Variants in MAD1L1 observed in about 807,000 individuals in gnomAD.
The protein encoded by MAD1L1 is mitotic spindle assembly checkpoint protein MAD1.
MAD1L1 carries 95 observed loss-of-function variants against 96.9 expected under a neutral mutation model. The ratio of observed to expected loss-of-function variants is 0.98; its 90% CI spans 0.83 to 1.16. MAD1L1 has a LOEUF of 1.16. Among genes scored for constraint, MAD1L1 ranks in the 50% most tolerant of loss-of-function variants. MAD1L1 has a pLI of 0.00. For missense variants in MAD1L1, 1,007 were observed against 954.4 expected (o/e 1.06, Z -0.73); for synonymous variants, 473 against 396.6 (o/e 1.19, Z -2.29).
chr7:1,967,420 G>A (rs1780212456), intron 15 of MAD1L1, among the ~76,000 whole-genome samples: 2 of 152,366 alleles, frequency 1.3e-5, no homozygotes, highest in South Asian at 4.1e-4. Context: ...TGATGGTTTA[G>A]AAACTGACCC....
chr7:2,223,903 G>C (rs1403570482), intron 4 of MAD1L1, among the ~76,000 whole-genome samples: 2 of 152,186 alleles, frequency 1.3e-5, no homozygotes, highest in African/African-American at 4.8e-5. Flanking sequence ...TACTGGTTCT[G>C]ACTGTTCCTG....
intron 11 of MAD1L1, among the ~76,000 whole-genome samples, chr7:2,115,789 C>T (rs187297078): frequency 5.9e-5 from 9 of 152,366 alleles, no homozygotes; most frequent in East Asian, 1.9e-4. Context: ...CTGCATGGAG[C>T]GCTCGGAGCA....
At chr7:2,161,591 C>G (rs1455334325) in intron 10 of MAD1L1, among the ~76,000 whole-genome samples, 1 of 151,904 alleles carries the variant, frequency 6.6e-6, no homozygotes, top group Non-Finnish European at 1.5e-5. Context: ...AGGAGCCCCT[C>G]TGCCCGACCG....
In MAD1L1 at chr7:2,129,561, C is replaced by T. The variant is rs186995549; in HGVS notation, c.1073+19591G>A. 5.3e-5 allele frequency among the ~76,000 whole-genome samples: 8 copies of T among 152,292 alleles called. No homozygotes were observed. In the East Asian group the frequency reaches 1.5e-3, roughly 29 times the overall value. On this transcript the variant is annotated intron_variant, in intron 11 of 18. Coordinates refer to ENST00000265854, the MANE Select transcript of MAD1L1 (RefSeq NM_001013836.2). ...ACACACGAGGCAGCAGGACAGGAAC[C>T]CCAGGTGCCTCCCGTCATGAGGAGA...
intron 18 of MAD1L1, among the ~76,000 whole-genome samples, chr7:1,871,992 C>A (rs1785137408): frequency 6.6e-6 from 1 of 152,150 alleles, no homozygotes; most frequent in Admixed American, 6.5e-5. Flanking sequence ...AGGATGAAGA[C>A]CTCTCATCTC....
At chr7:1,941,055 G>A (rs750882410) in intron 16 of MAD1L1, among the ~76,000 whole-genome samples, 2 of 87,204 alleles carry the variant, frequency 2.3e-5, no homozygotes, top group Non-Finnish European at 5.3e-5. Context: ...GGACCTCCAG[G>A]TGGGAGGAGG....
chr7:2,046,841 TAAG>T (rs1250687101), intron 12 of MAD1L1, among the ~76,000 whole-genome samples: 1 of 152,150 alleles, frequency 6.6e-6, no homozygotes, highest in African/African-American at 2.4e-5. Flanking sequence ...GCCTCAGGTC[TAAG>T]GAGGAGGAGC....
chr7:1,956,120 G>C (rs773197287), intron 16 of MAD1L1, among the ~76,000 whole-genome samples: 1 of 152,118 alleles, frequency 6.6e-6, no homozygotes, highest in South Asian at 2.1e-4. Flanking sequence ...CTTGGAAATG[G>C]ACCCCTATTT....
In MAD1L1 at chr7:2,049,841, C is replaced by A. The variant is rs183813094; in HGVS notation, c.1218+19353G>T. Among the ~76,000 whole-genome samples the A allele has an allele frequency of 2.7e-3, 404 of 151,230 alleles. 2 individuals are homozygous for A. The highest frequency in any genetic ancestry group is 3.0e-3 in the Non-Finnish European group (200 of 67,762). ...GCTGGCACCATCTGCGGGCACCAGA[C>A]CACACGTTCACAGGGCACCTCACCC... On this transcript the variant is annotated intron_variant, in intron 12 of 18. Transcript: ENST00000265854.
At chr7:1,980,136 C>T (rs915204752) in intron 15 of MAD1L1, among the ~76,000 whole-genome samples, 2 of 152,102 alleles carry the variant, frequency 1.3e-5, no homozygotes, top group African/African-American at 2.4e-5. Context: ...TGCCGGTGGA[C>T]GTGTCTCCCG....
rs781671971 is a variant in MAD1L1 at position 2,219,428 on chromosome 7, G to A, written c.500C>T (p.Ser167Leu). ...GTCCATCACGCTCCACTGCAGTTCC[G>A]AGATCCTCCCCTTCAGTGCGTTGAT... ...ETINALKGRI[S>L]ELQWSVMDQE... Residue 167 changes from serine to leucine, a missense_variant, in exon 6 of 19, where the codon TCG becomes TTG. Transcript: ENST00000265854. 18 of 1,613,524 alleles carry A rather than the reference G, an allele frequency of 1.1e-5. No individual in the cohort carries two copies. The highest frequency in any genetic ancestry group is 4.5e-5 in the East Asian group (2 of 44,878).
intron 12 of MAD1L1, among the ~76,000 whole-genome samples, chr7:2,043,024 C>G (rs947113159): frequency 1.3e-5 from 2 of 152,158 alleles, no homozygotes; most frequent in African/African-American, 2.4e-5. Context: ...CTGGAAAACA[C>G]AGCCCTGCAC....
intron 18 of MAD1L1, among the ~76,000 whole-genome samples, chr7:1,856,248 G>A (rs1323430614): frequency 6.6e-6 from 1 of 152,234 alleles, no homozygotes; most frequent in African/African-American, 2.4e-5. Flanking sequence ...TGCCTGTGGG[G>A]CCAGCAGGTC....
At chr7:2,072,620 A>G (rs1785187207) in intron 11 of MAD1L1, among the ~76,000 whole-genome samples, 1 of 152,246 alleles carries the variant, frequency 6.6e-6, no homozygotes, top group African/African-American at 2.4e-5. Context: ...CAAGTGCTTT[A>G]AATCACGGCT....
chr7:2,039,348 A>G (rs546415477), intron 12 of MAD1L1, among the ~76,000 whole-genome samples: 2 of 152,272 alleles, frequency 1.3e-5, no homozygotes, highest in East Asian at 3.9e-4. Context: ...GTTTTGTCCG[A>G]ACCTCGGTTT....
In MAD1L1 at chr7:2,230,716, C is replaced by G. The variant is rs1338009559; in HGVS notation, c.-178G>C. ...GTCCTGGAGACCAAAGGCCGGCGAG[C>G]TTGGAGTGCTGCTGTTGAGGAGAGG... is the stretch of plus-strand genomic sequence containing the variant. On this transcript the variant is annotated 5_prime_UTR_variant, in exon 2 of 19. Transcript: ENST00000265854. 4 of 153,998 alleles carry G rather than the reference C, an allele frequency of 2.6e-5. No individual in the cohort carries two copies. The highest frequency in any genetic ancestry group is 9.6e-5 in the African/African-American group (4 of 41,452). 9.5% of individuals were successfully genotyped at this position (153,998 alleles called of 1,614,324 possible). A position where few individuals can be genotyped will look rare whatever the true frequency, so the allele number is the denominator to read the frequency against.
chr7:2,079,704 T>C, intron 11 of MAD1L1: 1 of 470,980 alleles, frequency 2.1e-6, no homozygotes, highest in South Asian at 1.5e-5. Context: ...CAACCTGTAA[T>C]CGCCTGGGCA....
chr7:2,094,761 C>T (rs1786395574), intron 11 of MAD1L1, among the ~76,000 whole-genome samples: 1 of 145,494 alleles, frequency 6.9e-6, no homozygotes. Context: ...GGGGGAAGGA[C>T]TCCAACCAAC....
intron 11 of MAD1L1, among the ~76,000 whole-genome samples, chr7:2,123,304 CAAAA>C: frequency 9.2e-6 from 1 of 108,738 alleles, no homozygotes; most frequent in African/African-American, 3.7e-5. Flanking sequence ...GACTCCATCT[CAAAA>C]AAAAAAAAAA....
Sources: allele counts gnomAD v4.1 joint callset (sites outside exome capture counted in the v4.1 genomes callset), GRCh38; gene constraint gnomAD v4.1.1; transcripts MANE v1.5; gene names NCBI Gene and HGNC (gene_info 2026-07-23, HGNC 2026-07-21).